GTF2H5: variants seen among roughly 807,000 people sequenced by gnomAD.
GTF2H5 encodes general transcription factor IIH subunit 5.
A neutral mutation model predicts 7.1 loss-of-function variants in GTF2H5; 5 were observed. That is an observed-to-expected ratio of 0.71 (90% CI 0.37 to 1.49). GTF2H5 has a LOEUF of 1.49. Among genes scored for constraint, GTF2H5 ranks in the 40% most tolerant of loss-of-function variants. The pLI is 0.03. For synonymous variants in GTF2H5, 30 were observed against 31.7 expected (o/e 0.95, Z 0.18); for missense variants, 80 against 83.0 (o/e 0.96, Z 0.14).
intron 2 of GTF2H5, among the ~76,000 whole-genome samples, chr6:158,183,040 G>T (rs1214282237): frequency 6.6e-6 from 1 of 152,106 alleles, no homozygotes; most frequent in Non-Finnish European, 1.5e-5. Flanking sequence ...TTTGATGTTG[G>T]TGACCTATGG....
Position 158,186,242 on chromosome 6 carries a change from A to G in GTF2H5, c.36-5735A>G, listed in dbSNP as rs74616919. On this transcript the variant is annotated intron_variant, in intron 2 of 2. Transcript: ENST00000607778. The stretch of plus-strand genomic sequence containing the variant: ...GGTGTGATGATTCAGCACAGATATG[A>G]GTCCTGAGGCGCTTCTTGGTTTTAG... Among the ~76,000 whole-genome samples, 46 of 152,366 alleles carry G rather than the reference A, an allele frequency of 3.0e-4. 2 individuals carry two copies. In the East Asian group the frequency reaches 8.7e-3, roughly 29 times the overall value.
At chr6:158,182,209 C>G (rs12211209) in intron 2 of GTF2H5, among the ~76,000 whole-genome samples, 34 of 152,220 alleles carry the variant, frequency 2.2e-4, no homozygotes, top group Non-Finnish European at 4.7e-4. Context: ...GGCCCCCACT[C>G]TCTTCTGGCT....
At chr6:158,185,540 CAAAA>C (rs35857314) in intron 2 of GTF2H5, among the ~76,000 whole-genome samples, 3 of 81,536 alleles carry the variant, frequency 3.7e-5, no homozygotes. Context: ...GGCCCTGTCT[CAAAA>C]AAAAAAAAAA....
At position 158,169,672 on chromosome 6, in the gene GTF2H5, T is replaced by A. The variant is rs1488853384; in HGVS notation, c.-34-798T>A. Among the ~76,000 whole-genome samples the A allele has an allele frequency of 8.2e-3, 421 of 51,146 alleles. 58 individuals carry two copies. The highest frequency in any genetic ancestry group is 0.011 in the Non-Finnish European group (332 of 31,370). The allele number at this position is 51,146 out of a possible 152,430, so 33.6% of individuals were successfully genotyped here. On this transcript the variant is annotated intron_variant, in intron 1 of 2. Transcript: ENST00000607778. Reference sequence around the variant, plus strand: ...TATATTACATATAATATATTGTATATTATATAATATATAATATATATTATA... The same window carrying A: ...TATATTACATATAATATATTGTATAATATATAATATATAATATATATTATA...
intron 2 of GTF2H5, among the ~76,000 whole-genome samples, chr6:158,172,916 C>T (rs946805605): frequency 6.6e-5 from 10 of 152,164 alleles, no homozygotes; most frequent in African/African-American, 2.4e-4. Context: ...ACTCTGAAGT[C>T]TCAGTGCCCG....
intron 2 of GTF2H5, among the ~76,000 whole-genome samples, chr6:158,172,316 CTTT>C (rs879859644): frequency 1.4e-5 from 2 of 140,504 alleles, no homozygotes; most frequent in Non-Finnish European, 1.6e-5. Context: ...AAATTAGCTT[CTTT>C]TTTTTTTTTT....
chr6:158,182,664 A>G (rs1490645635), intron 2 of GTF2H5, among the ~76,000 whole-genome samples: 1 of 151,766 alleles, frequency 6.6e-6, no homozygotes, highest in Non-Finnish European at 1.5e-5. Context: ...TGCTTGATCA[A>G]ATCGGCTATT....
intron 2 of GTF2H5, among the ~76,000 whole-genome samples, chr6:158,186,592 A>G (rs1776924277): frequency 6.6e-6 from 1 of 152,256 alleles, no homozygotes; most frequent in South Asian, 2.1e-4. Flanking sequence ...TCAATTTTGA[A>G]GTTTATTTTG....
At position 158,192,571 on chromosome 6, in the gene GTF2H5, A is replaced by G. The variant is rs4425618; in HGVS notation, c.*414A>G. ...TTTGAATATGCCAAGGTGGGGACTT[A>G]GACATTATGTACGTCTCACAAATCC... On this transcript the variant is annotated 3_prime_UTR_variant, in exon 3 of 3. Transcript: ENST00000607778. 4.2e-6 allele frequency: 1 copy of G among 240,472 alleles called. No individual in the cohort carries two copies. The highest frequency in any genetic ancestry group is 8.2e-6 in the Non-Finnish European group (1 of 122,108). The allele number at this position is 240,472 out of a possible 1,614,324, so 14.9% of individuals were successfully genotyped here.
At chr6:158,169,746 T>A (rs867612201) in intron 1 of GTF2H5, among the ~76,000 whole-genome samples, 6 of 34,656 alleles carry the variant, frequency 1.7e-4, no homozygotes, top group East Asian at 6.8e-4. Flanking sequence ...TATTATATAT[T>A]ATATAATATA....
intron 1 of GTF2H5, among the ~76,000 whole-genome samples, chr6:158,169,411 A>T (rs868000697): frequency 1.1e-5 from 1 of 88,862 alleles, no homozygotes; most frequent in African/African-American, 5.5e-5. Flanking sequence ...ATTGTATATT[A>T]TATATTATAT....
At chr6:158,169,838 T>TACAC (rs34582974) in intron 1 of GTF2H5, among the ~76,000 whole-genome samples, 78 of 116,214 alleles carry the variant, frequency 6.7e-4, no homozygotes, top group South Asian at 5.2e-3. Context: ...TGTATATATA[T>TACAC]ACACACACAC....
chr6:158,187,064 G>A lies in GTF2H5; in HGVS notation c.36-4913G>A, dbSNP rs538568936. ...GGCTGGAGTGCAATGGTGTGATCTCGGCCCACTACACCCCTCACCTCCTGG... is the reference window on the plus strand; with the variant it reads ...GGCTGGAGTGCAATGGTGTGATCTCAGCCCACTACACCCCTCACCTCCTGG... On this transcript the variant is annotated intron_variant, in intron 2 of 2. Transcript: ENST00000607778. Among the ~76,000 whole-genome samples, 77 of 151,064 alleles carry A rather than the reference G, an allele frequency of 5.1e-4. 2 individuals carry two copies. The South Asian group carries it at 8.6e-3, about 17-fold the overall frequency.
chr6:158,178,268 C>T (rs190315142), intron 2 of GTF2H5, among the ~76,000 whole-genome samples: 1 of 152,118 alleles, frequency 6.6e-6, no homozygotes, highest in Non-Finnish European at 1.5e-5. Context: ...AGGCGGATCA[C>T]GAGGTCAGGA....
intron 1 of GTF2H5, among the ~76,000 whole-genome samples, chr6:158,169,707 G>GTATATTATATATTATATAATATATTT (rs1562469283): frequency 2.3e-5 from 1 of 43,598 alleles, no homozygotes; most frequent in Non-Finnish European, 4.0e-5. Flanking sequence ...ATAATATATT[G>GTATATTATATATTATATAATATATTT]TATATTATAT....
Position 158,175,044 on chromosome 6 carries a change from G to GTGTGTA in GTF2H5, c.35+4507_35+4508insGTGTAT. Among the ~76,000 whole-genome samples the GTGTGTA allele has an allele frequency of 3.3e-3, 478 of 142,820 alleles. 7 individuals carry two copies. Among genetic ancestry groups the GTGTGTA allele is most frequent in the African/African-American group, 0.012 (445 of 37,582 alleles). 93.7% of individuals were successfully genotyped at this position (142,820 alleles called of 152,430 possible). A position where few individuals can be genotyped will look rare whatever the true frequency, so the allele number is the denominator to read the frequency against. ...TGTGTGTGTGTGTGTGTGTGTGTGTGTATACACACACACACACATACACAT... is the reference window on the plus strand; with the variant it reads ...TGTGTGTGTGTGTGTGTGTGTGTGTGTGTGTATATACACACACACACACATACACAT... On this transcript the variant is annotated intron_variant, in intron 2 of 2. Coordinates refer to ENST00000607778, the MANE Select transcript of GTF2H5 (RefSeq NM_207118.3).
In GTF2H5 at chr6:158,192,635, T is replaced by G. The variant is rs1365581528; in HGVS notation, c.*478T>G. 5.8e-6 allele frequency: 1 copy of G among 171,464 alleles called. No homozygotes were observed. Among genetic ancestry groups the G allele is most frequent in the African/African-American group, 2.4e-5 (1 of 41,650 alleles). 10.6% of individuals were successfully genotyped at this position (171,464 alleles called of 1,614,324 possible). On this transcript the variant is annotated 3_prime_UTR_variant, in exon 3 of 3. Transcript: ENST00000607778. ...GTCAGCTCTATTGAGGAAGACAATGTAAAACTAATGTAAACTACAGTTTGC... is the reference window on the plus strand; with the variant it reads ...GTCAGCTCTATTGAGGAAGACAATGGAAAACTAATGTAAACTACAGTTTGC...
intron 2 of GTF2H5, among the ~76,000 whole-genome samples, chr6:158,178,758 G>A (rs1211603729): frequency 1.3e-5 from 2 of 152,148 alleles, no homozygotes; most frequent in Admixed American, 6.5e-5. Flanking sequence ...TTAGCCCTTT[G>A]TCAGACAGGT....
intron 2 of GTF2H5, among the ~76,000 whole-genome samples, chr6:158,176,313 G>A (rs1785933497): frequency 1.3e-5 from 2 of 151,958 alleles, no homozygotes; most frequent in African/African-American, 4.8e-5. Context: ...TGCAGCCTCT[G>A]CCACCTGGGT....
Sources: gnomAD v4.1 joint callset for allele counts (sites outside exome capture counted in the v4.1 genomes callset) on GRCh38, gnomAD v4.1.1 for gene constraint, MANE v1.5 for transcripts, NCBI Gene and HGNC (gene_info 2026-07-23, HGNC 2026-07-21) for gene names.